PICK1: variants seen among roughly 807,000 people sequenced by gnomAD.
PICK1 encodes the protein PRKCA-binding protein.
A neutral mutation model predicts 48.9 loss-of-function variants in PICK1; 23 were observed. That is an observed-to-expected ratio of 0.47 (90% CI 0.34 to 0.67). The LOEUF (loss-of-function observed/expected upper bound fraction) is 0.67. Ranked by LOEUF, PICK1 falls within the 30% of genes least tolerant of loss-of-function variation. The pLI is 0.01. For missense variants in PICK1, 423 were observed against 557.1 expected (o/e 0.76, Z 2.42); for synonymous variants, 217 against 228.2 (o/e 0.95, Z 0.44).
rs1193438281 is a variant in PICK1, at chr22:38,057,555, A to G, written c.-90A>G. 5.5e-6 allele frequency: 3 copies of G among 548,056 alleles called. No homozygotes were observed. Among genetic ancestry groups the G allele is most frequent in the South Asian group, 4.3e-5 (2 of 46,448 alleles). 33.9% of individuals were successfully genotyped at this position (548,056 alleles called of 1,614,324 possible). On this transcript the variant is annotated 5_prime_UTR_variant, in exon 1 of 13. Transcript: ENST00000356976. ...GGGGCGGACTCTGGGATCTGAGCCT[A>G]TCGCCCTGGCCTGGAGCCCCCCTTT...
chr22:38,065,204 C>G, intron 4 of PICK1, 74 bp downstream of exon 4: 1 of 1,502,310 alleles, frequency 6.7e-7, no homozygotes, highest in Non-Finnish European at 9.1e-7. Flanking sequence ...GCCAGAGGTC[C>G]CAGCAGGCCT....
intron 5 of PICK1, chr22:38,068,000 G>A (rs904376332): frequency 3.6e-5 from 23 of 646,324 alleles, no homozygotes; most frequent in Non-Finnish European, 3.2e-5. Flanking sequence ...TCACTCCCCC[G>A]CGTTTCACCC....
In PICK1 at chr22:38,066,386, C is replaced by T. The variant is rs1000732221; in HGVS notation, c.282+1256C>T. Among the ~76,000 whole-genome samples, 2 of 152,224 alleles carry T rather than the reference C, an allele frequency of 1.3e-5. No homozygotes were observed. Among genetic ancestry groups the T allele is most frequent in the African/African-American group, 4.8e-5 (2 of 41,456 alleles). On this transcript the variant is annotated intron_variant, in intron 4 of 12. Transcript: ENST00000356976. This position sits in a 1 kb window ranked among gnomAD's most constrained non-coding sequence, Gnocchi z 4.1. ...CTCCACTCGCCAGGTCCCTCCCTGT[C>T]CTCTCAGGCTTGGTCATACCAGCAC...
chr22:38,069,271 G>A (rs2085614494), intron 6 of PICK1, 149 bp downstream of exon 6: 4 of 658,408 alleles, frequency 6.1e-6, no homozygotes, highest in Non-Finnish European at 8.2e-6. Flanking sequence ...CACCATCTCT[G>A]TACCCCCAGA....
intron 6 of PICK1, 141 bp from the exon 7 acceptor site, chr22:38,070,697 G>A: frequency 4.0e-6 from 3 of 747,000 alleles, no homozygotes; most frequent in South Asian, 1.5e-5. Context: ...GACCCGAGCT[G>A]CCAAATCCCC....
intron 3 of PICK1, among the ~76,000 whole-genome samples, 173 bp downstream of exon 3, chr22:38,059,518 T>C (rs2085349089): frequency 6.6e-6 from 1 of 152,236 alleles, no homozygotes; most frequent in Non-Finnish European, 1.5e-5. Context: ...TTCTCCCCTG[T>C]GTCGCTCTGT....
chr22:38,064,350 G>A (rs558246071), intron 3 of PICK1, among the ~76,000 whole-genome samples: 6 of 152,232 alleles, frequency 3.9e-5, no homozygotes, highest in Non-Finnish European at 5.9e-5. Flanking sequence ...GAGCCACTGC[G>A]CCTGGCCTTG....
In PICK1 at chr22:38,061,121, C is replaced by G. The variant is rs530476768; in HGVS notation, c.153+1776C>G. ...CTTTGGGAGGCTGAGGTGGGCAGAT[C>G]ACCTGAGGTGAAAACTTCCAGACAA... On this transcript the variant is annotated intron_variant, in intron 3 of 12. Transcript: ENST00000356976. Among the ~76,000 whole-genome samples, 12 of 152,164 alleles carry G rather than the reference C, an allele frequency of 7.9e-5. No homozygotes were observed. The South Asian group carries it at 2.3e-3, about 29-fold the overall frequency.
Position 38,071,758 on chromosome 22 carries a change from C to T in PICK1, c.556+14C>T, listed in dbSNP as rs1490247232. 6.2e-7 allele frequency: 1 copy of T among 1,611,300 alleles called. No homozygotes were observed. Among genetic ancestry groups the T allele is most frequent in the African/African-American group, 1.3e-5 (1 of 74,856 alleles). The stretch of plus-strand genomic sequence containing the variant: ...AGACTCACCGGGGTAATGGCATCCC[C>T]CAAAGCTGTGGTGTGACCGTGGGCA... On this transcript the variant is annotated intron_variant, in intron 8 of 12. Coordinates refer to ENST00000356976, the MANE Select transcript of PICK1 (RefSeq NM_012407.4).
chr22:38,059,711 G>A (rs529023274), intron 3 of PICK1, among the ~76,000 whole-genome samples: 37 of 152,288 alleles, frequency 2.4e-4, no homozygotes, highest in African/African-American at 7.9e-4. Context: ...TCAGCCTTGC[G>A]TACTAGCCAA....
In PICK1 at chr22:38,057,531, G is replaced by A. The variant is rs922417077; in HGVS notation, c.-114G>A. 5 of 504,804 alleles carry A rather than the reference G, an allele frequency of 9.9e-6. No homozygotes were observed. The highest frequency in any genetic ancestry group is 9.6e-5 in the African/African-American group (5 of 51,976). 31.3% of individuals were successfully genotyped at this position (504,804 alleles called of 1,614,324 possible). Reference sequence around the variant, plus strand: ...GCTCCCCAGGGCCTGGAGACCCGTGGGGCGGACTCTGGGATCTGAGCCTAT... The same window carrying A: ...GCTCCCCAGGGCCTGGAGACCCGTGAGGCGGACTCTGGGATCTGAGCCTAT... On this transcript the variant is annotated 5_prime_UTR_variant, in exon 1 of 13. Transcript: ENST00000356976.
chr22:38,057,761 TC>T lies in PICK1; in HGVS notation c.-45del. The T allele has an allele frequency of 6.4e-7, 1 of 1,567,280 alleles. No homozygotes were observed. The highest frequency in any genetic ancestry group is 8.8e-7 in the Non-Finnish European group (1 of 1,137,448). ...TTCTCTCCCGGATCCAGTTCCCCAT[TC>T]CCCTACCGAGCTGGGCAGTTAGCCA... On this transcript the variant is annotated 5_prime_UTR_variant, in exon 2 of 13. Transcript: ENST00000356976.
At chr22:38,070,999 C>T (rs1043614716) in intron 7 of PICK1, 108 bp downstream of exon 7, 12 of 846,810 alleles carry the variant, frequency 1.4e-5, no homozygotes, top group African/African-American at 8.3e-5. Flanking sequence ...CTACAAAATA[C>T]TAGGACCATG....
At chr22:38,062,245 C>A (rs1484489923) in intron 3 of PICK1, among the ~76,000 whole-genome samples, 1 of 108,502 alleles carries the variant, frequency 9.2e-6, no homozygotes, top group East Asian at 2.7e-4. Context: ...TCCACAATTT[C>A]CCATCTTTTT....
intron 2 of PICK1, among the ~76,000 whole-genome samples, chr22:38,058,732 C>T (rs1352610695): frequency 2.6e-5 from 4 of 152,070 alleles, no homozygotes; most frequent in Non-Finnish European, 2.9e-5. Context: ...TGGCCAGGCA[C>T]GGTGGCTCAC....
rs2145884470 is a variant in PICK1 at position 38,073,883 on chromosome 22, C to T, written c.834+60C>T. The T allele has an allele frequency of 6.5e-7, 1 of 1,537,810 alleles. No individual in the cohort carries two copies. The highest frequency in any genetic ancestry group is 1.1e-5 in the South Asian group (1 of 89,696). On this transcript the variant is annotated intron_variant, in intron 11 of 12. Transcript: ENST00000356976. This position sits in a 1 kb window ranked among gnomAD's most constrained non-coding sequence, Gnocchi z 5.7. ...CCCCCACCTGGTCTGCCAGGGATAG[C>T]AGGTGGCTCAGGCCAACCCGGGAGA...
intron 5 of PICK1, chr22:38,067,973 A>G (rs2085572478): frequency 4.4e-6 from 3 of 676,938 alleles, no homozygotes; most frequent in Non-Finnish European, 8.3e-6. Flanking sequence ...CTGTTCTTGT[A>G]CTCTGTCCCT....
intron 9 of PICK1, 111 bp from the exon 10 acceptor site, chr22:38,072,889 T>C: frequency 1.2e-6 from 1 of 864,640 alleles, no homozygotes; most frequent in Non-Finnish European, 2.0e-6. Context: ...GGGAGCACCA[T>C]CTGGCTCTGA....
Position 38,072,519 on chromosome 22 carries a change from A to G in PICK1, c.599A>G (p.Gln200Arg), listed in dbSNP as rs1223501775. ...VFSVIGVREP[Q>R]PAASEAFVKF... ...TCCGTGATCGGGGTGCGGGAGCCCC[A>G]GCCAGCTGCGAGCGAGGCTTTTGTG... The change falls in exon 9 of 13, where the codon CAG becomes CGG. Residue 200 changes from glutamine (Q) to arginine (R), a missense_variant. Physicochemically the swap from Gln to Arg is conservative, Grantham distance 43. This residue lies in a region of PICK1 where 279 missense variants were observed against 417.8 expected (regional missense o/e 0.67). Coordinates refer to ENST00000356976, the MANE Select transcript of PICK1 (RefSeq NM_012407.4). 1 of 1,613,680 alleles carries G rather than the reference A, an allele frequency of 6.2e-7. No homozygotes were observed. Among genetic ancestry groups the G allele is most frequent in the East Asian group, 2.2e-5 (1 of 44,878 alleles).
Sources: allele counts gnomAD v4.1 joint callset (sites outside exome capture counted in the v4.1 genomes callset), GRCh38; gene constraint gnomAD v4.1.1; regional missense constraint gnomAD v4.1.1; non-coding constraint Gnocchi (gnomAD v3.1); transcripts MANE v1.5; gene names NCBI Gene and HGNC (gene_info 2026-07-23, HGNC 2026-07-21).